The following BACE1 variants were observed in gnomAD, a reference collection of about 807,000 sequenced individuals.
BACE1 encodes APP beta-secretase.
BACE1 carries 21 observed loss-of-function variants against 54.0 expected under a neutral mutation model. The observed-to-expected ratio is 0.39, with a 90% CI of 0.28 to 0.56. The LOEUF (loss-of-function observed/expected upper bound fraction) is 0.56. Among genes scored for constraint, BACE1 ranks in the 20% least tolerant of loss-of-function variants. The pLI is 0.63. For missense variants in BACE1, 511 were observed against 661.2 expected, an observed-to-expected ratio of 0.77 and a Z score of 2.49; for synonymous variants, 232 against 260.9, an observed-to-expected ratio of 0.89 and a Z score of 1.07.
At chr11:117,291,664 C>G (rs764521142) in intron 6 of BACE1, 48 bp downstream of exon 6, 14 of 1,367,018 alleles carry the variant, frequency 1.0e-5, no homozygotes, top group Non-Finnish European at 1.5e-5. Context: ...TCACCGCCTC[C>G]CTCTGACACT....
Position 117,315,577 on chromosome 11 carries a change from C to G in BACE1, c.219G>C (p.Gln73His). The change falls in exon 1 of 9, where the codon CAG (glutamine) becomes CAC (histidine). Residue 73 changes from glutamine to histidine, a missense_variant. Gln to His is a conservative substitution (Grantham distance 24). Transcript: ENST00000313005. The surrounding 1 kb of genome is among the most constrained non-coding windows in gnomAD (Gnocchi z 5.5). ...CCACGGTCATCTCCACGTAGTAGCC[C>G]TGCCCCGACTTGCCCCTCAGGTTGT... ...MVDNLRGKSG[Q>H]GYYVEMTVGS... 1 of 1,590,284 alleles carries G rather than the reference C, an allele frequency of 6.3e-7. No individual in the cohort carries two copies. Among genetic ancestry groups the G allele is most frequent in the Non-Finnish European group, 8.5e-7 (1 of 1,169,888 alleles).
intron 1 of BACE1, among the ~76,000 whole-genome samples, chr11:117,301,161 T>A (rs899814092): frequency 9.8e-5 from 15 of 152,332 alleles, no homozygotes; most frequent in Non-Finnish European, 2.2e-4. Context: ...TTCTCAAGGC[T>A]TGAGCTTTGG....
At chr11:117,314,123 A>G (rs1448469985) in intron 1 of BACE1, among the ~76,000 whole-genome samples, 1 of 152,194 alleles carries the variant, frequency 6.6e-6, no homozygotes, top group Non-Finnish European at 1.5e-5. Context: ...GTCCATGCAC[A>G]GTGTGCACAG....
rs2034349906 is a variant in BACE1, at chr11:117,289,432, C to T, written c.*134G>A. The T allele has an allele frequency of 7.1e-7, 1 of 1,413,628 alleles. No individual in the cohort carries two copies. The highest frequency in any genetic ancestry group is 2.5e-5 in the Admixed American group (1 of 39,280). 87.6% of individuals were successfully genotyped at this position (1,413,628 alleles called of 1,614,324 possible). A position where few individuals can be genotyped will look rare whatever the true frequency, so the allele number is the denominator to read the frequency against. On this transcript the variant is annotated 3_prime_UTR_variant, in exon 9 of 9. Transcript: ENST00000313005. ...CCAGCCTTTTCCTTCTCCATCAAGG[C>T]AGAGGCATTTGGTGGGTGGGGAGGG...
At position 117,287,190 on chromosome 11, in the gene BACE1, T is replaced by C. The variant is rs1459474411; in HGVS notation, c.*2376A>G. 1 of 151,872 alleles carries C rather than the reference T, an allele frequency of 6.6e-6. No homozygotes were observed. The highest frequency in any genetic ancestry group is 6.6e-5 in the Admixed American group (1 of 15,240). 9.4% of individuals were successfully genotyped at this position (151,872 alleles called of 1,614,324 possible). ...GCAGGAGGATAAGTGTTTTGGAGAG[T>C]TGTGCATGGGAGCGAGCGCCTCAGT... On this transcript the variant is annotated 3_prime_UTR_variant, in exon 9 of 9. Transcript: ENST00000313005.
intron 1 of BACE1, among the ~76,000 whole-genome samples, chr11:117,299,891 A>G (rs918726955): frequency 6.6e-6 from 1 of 152,180 alleles, no homozygotes; most frequent in African/African-American, 2.4e-5. Flanking sequence ...TGGACCCCAA[A>G]GAAAGAGGAT....
At chr11:117,313,818 A>G (rs536779335) in intron 1 of BACE1, among the ~76,000 whole-genome samples, 1 of 152,328 alleles carries the variant, frequency 6.6e-6, no homozygotes, top group Admixed American at 6.5e-5. Context: ...AGACAAGGAT[A>G]AAGTGACTTC....
chr11:117,291,962 T>C, intron 5 of BACE1, 149 bp from the exon 6 acceptor site: 1 of 536,008 alleles, frequency 1.9e-6, no homozygotes. Flanking sequence ...TTAACCTCTG[T>C]GCCTCAGTTC....
At chr11:117,299,342 A>T (rs1209215741) in intron 1 of BACE1, among the ~76,000 whole-genome samples, 1 of 152,132 alleles carries the variant, frequency 6.6e-6, no homozygotes, top group East Asian at 1.9e-4. Flanking sequence ...AGTCCAGTGA[A>T]ATCAACTGAC....
intron 2 of BACE1, among the ~76,000 whole-genome samples, chr11:117,296,377 A>AG (rs1206530090): frequency 6.6e-6 from 1 of 152,100 alleles, no homozygotes. Context: ...GTCTAGGCAG[A>AG]GGGGTTTATG....
intron 5 of BACE1, 77 bp downstream of exon 5, chr11:117,292,977 A>T: frequency 6.5e-7 from 1 of 1,546,396 alleles, no homozygotes; most frequent in Non-Finnish European, 8.8e-7. Flanking sequence ...CATCCTCCCA[A>T]CATGATAACC....
At chr11:117,305,680 A>G (rs1034951801) in intron 1 of BACE1, among the ~76,000 whole-genome samples, 1 of 152,020 alleles carries the variant, frequency 6.6e-6, no homozygotes, top group African/African-American at 2.4e-5. Flanking sequence ...ACTCCAATAG[A>G]ATGATGGATG....
intron 2 of BACE1, chr11:117,295,636 T>C (rs2034580148): frequency 6.5e-7 from 1 of 1,529,202 alleles, no homozygotes; most frequent in African/African-American, 1.4e-5. Flanking sequence ...TTGTGCATTG[T>C]GCCTGCTGCT....
rs2034265512 is a variant in BACE1, at chr11:117,286,512, G to A, written c.*3054C>T. The A allele has an allele frequency of 6.6e-6, 1 of 152,594 alleles. No individual in the cohort carries two copies. The highest frequency in any genetic ancestry group is 2.1e-4 in the South Asian group (1 of 4,826). 9.5% of individuals were successfully genotyped at this position (152,594 alleles called of 1,614,324 possible). On this transcript the variant is annotated 3_prime_UTR_variant, in exon 9 of 9. Transcript: ENST00000313005. ...AAAGGACATTATTATATTACCAATA[G>A]CTGATTTTTTTTTCCATTCTGGGAC...
At chr11:117,290,425 C>G (rs990669430) in intron 8 of BACE1, 63 bp downstream of exon 8, 1 of 1,575,560 alleles carries the variant, frequency 6.3e-7, no homozygotes. Flanking sequence ...GGTATACTAA[C>G]TGTTGTTTGA....
At position 117,289,220 on chromosome 11, in the gene BACE1, C is replaced by T; in HGVS notation, c.*346G>A. 76 of 255,498 alleles carry T rather than the reference C, an allele frequency of 3.0e-4. No homozygotes were observed. The highest frequency in any genetic ancestry group is 5.5e-4 in the South Asian group (8 of 14,466). The allele number at this position is 255,498 out of a possible 1,614,324, so 15.8% of individuals were successfully genotyped here. ...GCGTGTGATGCCAGTACTTCTGAAA[C>T]TAAGAAAAGAAGAATACTTTGGGTT... On this transcript the variant is annotated 3_prime_UTR_variant, in exon 9 of 9. Transcript: ENST00000313005.
intron 1 of BACE1, among the ~76,000 whole-genome samples, chr11:117,307,274 A>T (rs1338488339): frequency 6.6e-6 from 1 of 152,114 alleles, no homozygotes; most frequent in Non-Finnish European, 1.5e-5. Flanking sequence ...GAAGTTAGTC[A>T]TTAGGTATGG....
intron 1 of BACE1, among the ~76,000 whole-genome samples, chr11:117,310,676 C>T (rs1479106391): frequency 6.6e-6 from 1 of 152,042 alleles, no homozygotes; most frequent in Non-Finnish European, 1.5e-5. Context: ...CTGCCTCAGC[C>T]TCCCAAAGTG....
rs569589157 is a variant in BACE1 at position 117,294,114 on chromosome 11, T to C, written c.568-106A>G. On this transcript the variant is annotated intron_variant, in intron 3 of 8. Transcript: ENST00000313005. Reference sequence around the variant, plus strand: ...AATTTGAAGGCTTGGGGGATGCTCCTTGGGAAAGACCATCTTAAGGCACTG... The same window carrying C: ...AATTTGAAGGCTTGGGGGATGCTCCCTGGGAAAGACCATCTTAAGGCACTG... The C allele has an allele frequency of 5.9e-6, 8 of 1,345,762 alleles. No individual in the cohort carries two copies. The African/African-American group carries it at 1.0e-4, about 17-fold the overall frequency. The allele number at this position is 1,345,762 out of a possible 1,614,324, so 83.4% of individuals were successfully genotyped here.
Sources: gnomAD v4.1 joint callset for allele counts (sites outside exome capture counted in the v4.1 genomes callset) on GRCh38, gnomAD v4.1.1 for gene constraint, Gnocchi (gnomAD v3.1) non-coding constraint, MANE v1.5 for transcripts, NCBI Gene and HGNC (gene_info 2026-07-23, HGNC 2026-07-21) for gene names.